AFAP1L2: variants seen among roughly 807,000 people sequenced by gnomAD.
The protein encoded by AFAP1L2 is actin filament-associated protein 1-like 2.
A neutral mutation model predicts 99.3 loss-of-function variants in AFAP1L2; 46 were observed. The ratio of observed to expected loss-of-function variants is 0.46; its 90% CI spans 0.37 to 0.59. AFAP1L2 has a LOEUF of 0.59. AFAP1L2 is among the 20% of genes least tolerant of loss of function. The pLI, the probability that AFAP1L2 is intolerant of heterozygous loss-of-function variation, is 0.00. For missense variants in AFAP1L2, 959 were observed against 1,034.9 expected (o/e 0.93, Z 1.01); for synonymous variants, 397 against 419.1 (o/e 0.95, Z 0.64).
chr10:114,303,690 C>T (rs568723087), intron 11 of AFAP1L2, among the ~76,000 whole-genome samples: 6 of 152,140 alleles, frequency 3.9e-5, no homozygotes, highest in African/African-American at 9.7e-5. Context: ...TGGACAGCTG[C>T]GACAGCTTCC....
At chr10:114,308,381 G>A (rs1170781182) in intron 9 of AFAP1L2, 52 bp downstream of exon 9, 3 of 1,516,556 alleles carry the variant, frequency 2.0e-6, no homozygotes, top group Non-Finnish European at 2.7e-6. Flanking sequence ...GAGCCTGACA[G>A]CCCAGCCTCA....
intron 1 of AFAP1L2, among the ~76,000 whole-genome samples, chr10:114,358,056 T>A (rs934088075): frequency 6.6e-6 from 1 of 152,198 alleles, no homozygotes; most frequent in Non-Finnish European, 1.5e-5. Context: ...GTTCGGGAGT[T>A]GCTCACTTCA....
Position 114,300,515 on chromosome 10 carries a change from G to T in AFAP1L2, c.1718C>A (p.Pro573Gln), listed in dbSNP as rs200839428. Residue 573 changes from proline to glutamine, a missense_variant, in exon 14 of 19, where the codon CCG becomes CAG. Coordinates refer to ENST00000304129, the MANE Select transcript of AFAP1L2 (RefSeq NM_001001936.3). ...GGTGGGACCTGGGCCTGAGTCTGCC[G>T]GGAGGGCCTCAGTTGCATTGTCCAG... ...SCLDNATEALPADSGPGPTPD... is the reference protein window; with the variant it reads ...SCLDNATEALQADSGPGPTPD... The T allele has an allele frequency of 6.2e-7, 1 of 1,614,102 alleles. No individual in the cohort carries two copies.
Position 114,403,869 on chromosome 10 carries a change from T to TG in AFAP1L2, c.16+570dup, listed in dbSNP as rs957210553. Among the ~76,000 whole-genome samples, 4 of 152,052 alleles carry TG rather than the reference T, an allele frequency of 2.6e-5. 1 individual carries two copies. Among genetic ancestry groups the TG allele is most frequent in the African/African-American group, 9.6e-5 (4 of 41,462 alleles). ...CCCTCGCATCCCTCCTTTCTTGGTG[T>TG]GGGGGAGCAAAGAAGGGCTTGGAGA... On this transcript the variant is annotated intron_variant, in intron 1 of 18. Transcript: ENST00000304129.
At chr10:114,361,536 T>C (rs1435448625) in intron 1 of AFAP1L2, among the ~76,000 whole-genome samples, 1 of 152,058 alleles carries the variant, frequency 6.6e-6, no homozygotes, top group Non-Finnish European at 1.5e-5. Flanking sequence ...TCACTCAAGA[T>C]CAGTACTCCC....
chr10:114,323,448 G>C (rs905915184), intron 4 of AFAP1L2, among the ~76,000 whole-genome samples, 187 bp from the exon 5 acceptor site: 3 of 152,210 alleles, frequency 2.0e-5, no homozygotes, highest in Non-Finnish European at 4.4e-5. Flanking sequence ...TGTTTGGTCT[G>C]TAGCCACGGA....
intron 1 of AFAP1L2, among the ~76,000 whole-genome samples, chr10:114,386,923 C>T (rs1231892420): frequency 6.6e-6 from 1 of 152,228 alleles, no homozygotes; most frequent in Non-Finnish European, 1.5e-5. Flanking sequence ...GGGTCCATTC[C>T]CTGCAGGACT....
chr10:114,336,132 G>T (rs141402865), intron 2 of AFAP1L2, among the ~76,000 whole-genome samples: 1 of 152,224 alleles, frequency 6.6e-6, no homozygotes, highest in Non-Finnish European at 1.5e-5. Context: ...GGCCCACCTC[G>T]GGTGGGCTGC....
chr10:114,286,623 C>G, the AFAP1L2 span: 1 of 869,706 alleles, frequency 1.1e-6, no homozygotes, highest in Non-Finnish European at 1.7e-6. Flanking sequence ...GGGCTGAAAC[C>G]ACAGCCCCAC....
In AFAP1L2 at chr10:114,313,892, G is replaced by C. The variant is rs868753836; in HGVS notation, c.771C>G (p.Asp257Glu). ...DVIVLGLQSK[D>E]QAEQWLRVIQ... ...TCACCCTGAGCCACTGCTCAGCCTGGTCCTTGCTCTGCAGGCCCAGCACAA... is the reference window on the plus strand; with the variant it reads ...TCACCCTGAGCCACTGCTCAGCCTGCTCCTTGCTCTGCAGGCCCAGCACAA... The change falls in exon 7 of 19, where the codon GAC becomes GAG. Residue 257 changes from aspartate to glutamate, a missense_variant. Asp to Glu is a conservative substitution (Grantham distance 45, BLOSUM62 2). Around this residue, in one of 2 missense-constraint regions of AFAP1L2, gnomAD observed 383 missense variants for 472.8 expected, o/e 0.81. Coordinates refer to ENST00000304129, the MANE Select transcript of AFAP1L2 (RefSeq NM_001001936.3). 2 of 1,612,474 alleles carry C rather than the reference G, an allele frequency of 1.2e-6. No individual in the cohort carries two copies. Among genetic ancestry groups the C allele is most frequent in the African/African-American group, 1.3e-5 (1 of 75,006 alleles).
chr10:114,301,521 AC>A, intron 12 of AFAP1L2, 56 bp from the exon 13 acceptor site: 1 of 1,319,318 alleles, frequency 7.6e-7, no homozygotes, highest in Non-Finnish European at 1.1e-6. Context: ...TGGTGAAAGC[AC>A]CAGACTCCAA....
rs944044095 is a variant in AFAP1L2 at position 114,299,457 on chromosome 10, A to G, written c.1958-42T>C. The G allele has an allele frequency of 2.5e-6, 4 of 1,610,082 alleles. No individual in the cohort carries two copies. In the African/African-American group the frequency reaches 5.3e-5, roughly 22 times the overall value. The stretch of plus-strand genomic sequence containing the variant: ...GGAAGCCCCAGGTAAGCAGAGCTGG[A>G]TCATGAGGGCTGTCCCCAGTCTACT... On this transcript the variant is annotated intron_variant, in intron 15 of 18. Transcript: ENST00000304129.
At chr10:114,304,999 GGGGCTTCGGGAGGGCACA>G (rs2041893193) in intron 10 of AFAP1L2, 69 bp from the exon 11 acceptor site, 4 of 1,249,262 alleles carry the variant, frequency 3.2e-6, no homozygotes, top group South Asian at 2.8e-5. Context: ...AGGAGGGGGC[GGGGCTTCGGGAGGGCACA>G]CAGATGCAGG....
chr10:114,346,744 C>T (rs974233454), intron 1 of AFAP1L2, among the ~76,000 whole-genome samples: 9 of 152,168 alleles, frequency 5.9e-5, no homozygotes, highest in East Asian at 1.9e-4. Flanking sequence ...CTTTCCATCC[C>T]GGCTCTGTTA....
chr10:114,319,018 G>A (rs1275053058), intron 5 of AFAP1L2, among the ~76,000 whole-genome samples: 1 of 152,108 alleles, frequency 6.6e-6, no homozygotes, highest in African/African-American at 2.4e-5. Flanking sequence ...GCCGGTCATG[G>A]TGATGCGTGC....
chr10:114,380,272 T>G (rs564455470), intron 1 of AFAP1L2, among the ~76,000 whole-genome samples: 7 of 152,216 alleles, frequency 4.6e-5, no homozygotes, highest in Non-Finnish European at 1.0e-4. Context: ...GTTCCTCTCT[T>G]GGCAAGGTGC....
At chr10:114,344,269 GC>G (rs1468322655) in intron 1 of AFAP1L2, among the ~76,000 whole-genome samples, 1 of 152,162 alleles carries the variant, frequency 6.6e-6, no homozygotes, top group African/African-American at 2.4e-5. Flanking sequence ...AAAGCAGTGA[GC>G]TTAAAGAAGC....
At chr10:114,367,531 G>A (rs1218051786) in intron 1 of AFAP1L2, among the ~76,000 whole-genome samples, 1 of 152,174 alleles carries the variant, frequency 6.6e-6, no homozygotes, top group Non-Finnish European at 1.5e-5. Context: ...TGTGAAAAGG[G>A]TTGTTTGCAG....
intron 1 of AFAP1L2, among the ~76,000 whole-genome samples, chr10:114,347,216 C>T (rs898201035): frequency 1.3e-5 from 2 of 152,178 alleles, no homozygotes; most frequent in Non-Finnish European, 2.9e-5. Context: ...GTGACACTTT[C>T]TGTGAGAAGC....
Sources: allele counts gnomAD v4.1 joint callset (sites outside exome capture counted in the v4.1 genomes callset), GRCh38; gene constraint gnomAD v4.1.1; regional missense constraint gnomAD v4.1.1; transcripts MANE v1.5; gene names NCBI Gene and HGNC (gene_info 2026-07-23, HGNC 2026-07-21).